Variants in CIITA observed in about 807,000 individuals in gnomAD.
The protein encoded by CIITA is MHC class II transactivator.
A neutral mutation model predicts 115.1 loss-of-function variants in CIITA; 72 were observed. That is an observed-to-expected ratio of 0.63 (90% CI 0.52 to 0.76). CIITA has a LOEUF of 0.76. Among genes scored for constraint, CIITA ranks in the 30% least tolerant of loss-of-function variants. The pLI, the probability that CIITA is intolerant of heterozygous loss-of-function variation, is 0.00. For missense variants in CIITA, 1,617 were observed against 1,463.8 expected (o/e 1.10, Z -1.71); for synonymous variants, 763 against 635.6 (o/e 1.20, Z -3.02).
intron 1 of CIITA, 70 bp from the exon 2 acceptor site, chr16:10,895,212 G>T: frequency 1.3e-6 from 2 of 1,583,054 alleles, no homozygotes; most frequent in Non-Finnish European, 1.7e-6. Context: ...GCTGGGAGTT[G>T]TTGTAGGTGT....
chr16:10,929,674 G>T lies in CIITA; in HGVS notation c.*5819G>T. 3.8e-6 allele frequency: 2 copies of T among 531,394 alleles called. No homozygotes were observed. The highest frequency in any genetic ancestry group is 4.8e-6 in the Non-Finnish European group (2 of 414,970). The allele number at this position is 531,394 out of a possible 1,614,324, so 32.9% of individuals were successfully genotyped here. Reference sequence around the variant, plus strand: ...GGGAGGCTTGGGGTGGGGCAGGGAAGTCTTCCTCCATCCCTCAAATTTAGG... The same window carrying T: ...GGGAGGCTTGGGGTGGGGCAGGGAATTCTTCCTCCATCCCTCAAATTTAGG... On this transcript the variant is annotated 3_prime_UTR_variant, in exon 20 of 20. Coordinates refer to ENST00000324288, the MANE Select transcript of CIITA (RefSeq NM_000246.4). This position sits in a 1 kb window ranked among gnomAD's most constrained non-coding sequence, Gnocchi z 4.3.
At chr16:10,880,486 G>C (rs1422351059) in intron 1 of CIITA, among the ~76,000 whole-genome samples, 1 of 152,136 alleles carries the variant, frequency 6.6e-6, no homozygotes, top group Non-Finnish European at 1.5e-5. Flanking sequence ...GTTTTGTTTT[G>C]TTTTGCTTAA....
chr16:10,935,378 T>G lies in CIITA; in HGVS notation c.*11523T>G, dbSNP rs2040984903. 1 of 152,226 alleles carries G rather than the reference T, an allele frequency of 6.6e-6. No homozygotes were observed. Among genetic ancestry groups the G allele is most frequent in the Non-Finnish European group, 1.5e-5 (1 of 68,032 alleles). 9.4% of individuals were successfully genotyped at this position (152,226 alleles called of 1,614,324 possible). A position where few individuals can be genotyped will look rare whatever the true frequency, so the allele number is the denominator to read the frequency against. On this transcript the variant is annotated 3_prime_UTR_variant, in exon 20 of 20. Transcript: ENST00000324288. ...TCACCCGACAGTTGTTAATCTCTTT[T>G]TAACAAAGAATACAGGCCAAGGCCC... is the stretch of plus-strand genomic sequence containing the variant.
intron 11 of CIITA, chr16:10,908,630 C>T (rs2039342811): frequency 4.5e-6 from 2 of 441,012 alleles, no homozygotes; most frequent in African/African-American, 4.0e-5. Flanking sequence ...CAGGGACACT[C>T]CACCACTGTC....
At chr16:10,913,033 G>A (rs770471362) in intron 13 of CIITA, among the ~76,000 whole-genome samples, 6 of 152,212 alleles carry the variant, frequency 3.9e-5, no homozygotes, top group Admixed American at 1.3e-4. Context: ...CCACTCACCT[G>A]TTCACCCTTA....
At chr16:10,885,116 T>C (rs1051324327) in intron 1 of CIITA, among the ~76,000 whole-genome samples, 1 of 152,054 alleles carries the variant, frequency 6.6e-6, no homozygotes, top group Non-Finnish European at 1.5e-5. Flanking sequence ...TATAGAGACA[T>C]TGTGATGGTG....
chr16:10,866,554 G>A lies in CIITA; in HGVS notation c.-21+235G>A, dbSNP rs570754170. ...GCCCCCAGCAGCCGAGAGGGGCCCC[G>A]GCCACAGTGACCATGGTGGTAAGTT... On this transcript the variant is annotated intron_variant, in intron 1 of 5. Coordinates refer to the CIITA transcript ENST00000636238. 25 of 545,754 alleles carry A rather than the reference G, an allele frequency of 4.6e-5. No homozygotes were observed. The Middle Eastern group carries it at 9.0e-4, about 20-fold the overall frequency. 33.8% of individuals were successfully genotyped at this position (545,754 alleles called of 1,614,324 possible). A position where few individuals can be genotyped will look rare whatever the true frequency, so the allele number is the denominator to read the frequency against.
Position 10,935,329 on chromosome 16 carries a change from T to C in CIITA, c.*11474T>C, listed in dbSNP as rs2040982036. On this transcript the variant is annotated 3_prime_UTR_variant, in exon 20 of 20. Transcript: ENST00000324288. Reference sequence around the variant, plus strand: ...ATTATTTAGAGGAGAAAGTTCAGTTTGGTGCTGGTATATCTTATGTTTATC... The same window carrying C: ...ATTATTTAGAGGAGAAAGTTCAGTTCGGTGCTGGTATATCTTATGTTTATC... 6.6e-6 allele frequency: 1 copy of C among 152,264 alleles called. No individual in the cohort carries two copies. Among genetic ancestry groups the C allele is most frequent in the Admixed American group, 6.5e-5 (1 of 15,286 alleles). The allele number at this position is 152,264 out of a possible 1,614,324, so 9.4% of individuals were successfully genotyped here.
At chr16:10,913,456 AG>A (rs1472619299) in intron 13 of CIITA, 2 of 165,774 alleles carry the variant, frequency 1.2e-5, no homozygotes, top group Admixed American at 1.3e-4. Context: ...CTGGGACTAC[AG>A]GCACATGTCA....
rs1315089898 is a variant in CIITA at position 10,942,053 on chromosome 16, C to T, written n.1179C>T. On this transcript the variant is annotated non_coding_transcript_exon_variant, in exon 2 of 2. Transcript: ENST00000573379. This position sits in a 1 kb window ranked among gnomAD's most constrained non-coding sequence, Gnocchi z 5.0. ...GCCCGGCGATCCCGGCGAACTCAGC[C>T]GCTGCGGCGCCCGGGCGGCCGGCGA... 2.2e-6 allele frequency: 3 copies of T among 1,334,132 alleles called. No individual in the cohort carries two copies. The highest frequency in any genetic ancestry group is 3.2e-5 in the East Asian group (1 of 31,652). 82.6% of individuals were successfully genotyped at this position (1,334,132 alleles called of 1,614,324 possible). A position where few individuals can be genotyped will look rare whatever the true frequency, so the allele number is the denominator to read the frequency against.
Position 10,901,600 on chromosome 16 carries a change from C to A in CIITA, c.481+42C>A, listed in dbSNP as rs1251929067. Reference sequence around the variant, plus strand: ...GGCTGGGGTTGGGAAGGGTGGATGCCTTGGGGAGGGGATGGAAGAGATTGA... The same window carrying A: ...GGCTGGGGTTGGGAAGGGTGGATGCATTGGGGAGGGGATGGAAGAGATTGA... On this transcript the variant is annotated intron_variant, in intron 6 of 19. Coordinates refer to ENST00000324288, the MANE Select transcript of CIITA (RefSeq NM_000246.4). The surrounding 1 kb of genome is among the most constrained non-coding windows in gnomAD (Gnocchi z 6.8). The A allele has an allele frequency of 6.3e-7, 1 of 1,599,754 alleles. No homozygotes were observed. The highest frequency in any genetic ancestry group is 2.2e-5 in the East Asian group (1 of 44,676).
chr16:10,941,713 A>C lies in CIITA; in HGVS notation n.839A>C, dbSNP rs768726996. 3 of 1,603,092 alleles carry C rather than the reference A, an allele frequency of 1.9e-6. No individual in the cohort carries two copies. Among genetic ancestry groups the C allele is most frequent in the Admixed American group, 1.7e-5 (1 of 59,358 alleles). On this transcript the variant is annotated non_coding_transcript_exon_variant, in exon 2 of 2. Coordinates refer to the CIITA transcript ENST00000573379. The surrounding 1 kb of genome is among the most constrained non-coding windows in gnomAD (Gnocchi z 6.4). ...GTAGGGAAGAGGGGAACAGCAGTCGAGACCCTACTCCAAGTACGCATCAAA... is the reference window on the plus strand; with the variant it reads ...GTAGGGAAGAGGGGAACAGCAGTCGCGACCCTACTCCAAGTACGCATCAAA...
intron 1 of CIITA, among the ~76,000 whole-genome samples, chr16:10,892,644 G>A (rs1449223420): frequency 6.6e-6 from 1 of 152,188 alleles, no homozygotes; most frequent in Non-Finnish European, 1.5e-5. Flanking sequence ...ATAGAATTAA[G>A]TTAAGGGGCT....
chr16:10,905,510 C>T (rs1035952818), intron 10 of CIITA, among the ~76,000 whole-genome samples: 4 of 152,168 alleles, frequency 2.6e-5, no homozygotes, highest in African/African-American at 9.7e-5. Context: ...CCTGTAATCC[C>T]AGCACTTTGG....
chr16:10,904,946 T>C, intron 10 of CIITA, 134 bp downstream of exon 10: 1 of 873,264 alleles, frequency 1.1e-6, no homozygotes, highest in Non-Finnish European at 1.9e-6. Flanking sequence ...TATTCATTCA[T>C]TCATTCATTC....
chr16:10,900,081 AAAC>A (rs2038563782), intron 5 of CIITA, among the ~76,000 whole-genome samples: 1 of 152,066 alleles, frequency 6.6e-6, no homozygotes, highest in African/African-American at 2.4e-5. Flanking sequence ...ACTCTGTCTC[AAAC>A]AACAACAACC....
Position 10,895,664 on chromosome 16 carries a change from C to T in CIITA, c.200-5C>T, listed in dbSNP as rs1392125499. 9 of 1,614,032 alleles carry T rather than the reference C, an allele frequency of 5.6e-6. No homozygotes were observed. Among genetic ancestry groups the T allele is most frequent in the African/African-American group, 1.3e-5 (1 of 74,906 alleles). On this transcript the variant is annotated splice_polypyrimidine_tract_variant and splice_region_variant and intron_variant, in intron 2 of 19. Transcript: ENST00000324288. ...CTTCTTCATCCAAGGGACTTTTCCT[C>T]CCAGAACCCGACACAGACACCATCA...
intron 7 of CIITA, 105 bp downstream of exon 7, chr16:10,902,289 C>T (rs527460400): frequency 2.0e-6 from 3 of 1,473,782 alleles, no homozygotes; most frequent in Admixed American, 3.8e-5. Flanking sequence ...CACCTCTCCC[C>T]AACCCTATCA....
chr16:10,920,510 G>A lies in CIITA; in HGVS notation c.3150-1657G>A, dbSNP rs1186408488. ...GATCCACCCACCTCAGCCTTCCAAA[G>A]TGCTGGGATTACGGGTGTGAGCCAC... On this transcript the variant is annotated intron_variant, in intron 16 of 19. Coordinates refer to ENST00000324288, the MANE Select transcript of CIITA (RefSeq NM_000246.4). This position sits in a 1 kb window ranked among gnomAD's most constrained non-coding sequence, Gnocchi z 4.5. Among the ~76,000 whole-genome samples the A allele has an allele frequency of 1.3e-5, 2 of 152,194 alleles. No homozygotes were observed. Among genetic ancestry groups the A allele is most frequent in the African/African-American group, 4.8e-5 (2 of 41,440 alleles).
Sources: allele counts gnomAD v4.1 joint callset (sites outside exome capture counted in the v4.1 genomes callset), GRCh38; gene constraint gnomAD v4.1.1; non-coding constraint Gnocchi (gnomAD v3.1); transcripts MANE v1.5; gene names NCBI Gene and HGNC (gene_info 2026-07-23, HGNC 2026-07-21).